PCNX2: variants seen among roughly 807,000 people sequenced by gnomAD.
The protein encoded by PCNX2 is pecanex 2.
PCNX2 carries 168 observed loss-of-function variants against 223.8 expected under a neutral mutation model. The observed-to-expected ratio is 0.75, with a 90% CI of 0.66 to 0.85. The LOEUF (loss-of-function observed/expected upper bound fraction) is 0.85, where lower values mean the gene tolerates loss of function less well. Ranked by LOEUF, PCNX2 falls within the 40% of genes least tolerant of loss-of-function variation. The pLI is 0.00. For synonymous variants in PCNX2, 1,006 were observed against 1,052.6 expected (o/e 0.96, Z 0.86); for missense variants, 2,507 against 2,675.5 (o/e 0.94, Z 1.39).
chr1:233,065,296 T>C (rs1371548103), intron 23 of PCNX2, among the ~76,000 whole-genome samples: 3 of 152,210 alleles, frequency 2.0e-5, no homozygotes, highest in Non-Finnish European at 4.4e-5. Context: ...CCTAATGTTA[T>C]TGTAAAAGTC....
chr1:233,121,079 G>A (rs186026183), intron 21 of PCNX2, among the ~76,000 whole-genome samples: 31 of 150,810 alleles, frequency 2.1e-4, no homozygotes, highest in Admixed American at 2.0e-3. Context: ...CACCCTCCAC[G>A]ATAGCACCAA....
At position 233,095,764 on chromosome 1, in the gene PCNX2, C is replaced by T. The variant is rs765558280; in HGVS notation, c.3937G>A (p.Ala1313Thr). 1 of 1,604,382 alleles carries T rather than the reference C, an allele frequency of 6.2e-7. No homozygotes were observed. Among genetic ancestry groups the T allele is most frequent in the South Asian group, 1.1e-5 (1 of 89,718 alleles). Residue 1313 changes from alanine to threonine, a missense_variant, in exon 22 of 34, where the codon GCC becomes ACC. By Grantham distance (58) the Ala-to-Thr change is moderately conservative. Coordinates refer to ENST00000258229, the MANE Select transcript of PCNX2 (RefSeq NM_014801.4). ...SSFHVFAQLFAIPHSAMLFFQ... is the reference protein window; with the variant it reads ...SSFHVFAQLFTIPHSAMLFFQ... ...GAAGCAGAAAGGATACGAGGAATGG[C>T]AAAGAGCTGAGCAAACACGTGAAAC... is the stretch of plus-strand genomic sequence containing the variant.
At chr1:233,178,446 T>C (rs1314092766) in intron 16 of PCNX2, among the ~76,000 whole-genome samples, 1 of 152,330 alleles carries the variant, frequency 6.6e-6, no homozygotes, top group Admixed American at 6.5e-5. Flanking sequence ...ACATGAAAGA[T>C]TTCCAGTGCC....
At chr1:233,200,089 G>T in intron 14 of PCNX2, 65 bp downstream of exon 14, 1 of 1,286,676 alleles carries the variant, frequency 7.8e-7, no homozygotes, top group Non-Finnish European at 1.1e-6. Context: ...TCCTGCCTAA[G>T]GCTATTTAGT....
chr1:233,116,073 G>T (rs1675389846), intron 21 of PCNX2, among the ~76,000 whole-genome samples: 1 of 151,756 alleles, frequency 6.6e-6, no homozygotes, highest in African/African-American at 2.4e-5. Flanking sequence ...AATCCACCAA[G>T]ATCTAACAAT....
chr1:233,084,402 G>C (rs1673501197), intron 23 of PCNX2, among the ~76,000 whole-genome samples: 1 of 152,174 alleles, frequency 6.6e-6, no homozygotes, highest in East Asian at 1.9e-4. Flanking sequence ...TCGCATAGAT[G>C]ATGCTTAATA....
At chr1:233,082,047 A>C (rs1472788624) in intron 23 of PCNX2, among the ~76,000 whole-genome samples, 3 of 152,022 alleles carry the variant, frequency 2.0e-5, no homozygotes, top group African/African-American at 7.3e-5. Flanking sequence ...AGGATATAAC[A>C]GGAAGCATGT....
chr1:233,145,098 G>A (rs565530560), intron 19 of PCNX2, among the ~76,000 whole-genome samples: 3 of 151,808 alleles, frequency 2.0e-5, no homozygotes, highest in African/African-American at 7.2e-5. Flanking sequence ...CCAAGTGGCT[G>A]GGACTACAGG....
At chr1:233,180,171 A>C (rs1679707724) in intron 15 of PCNX2, among the ~76,000 whole-genome samples, 1 of 152,258 alleles carries the variant, frequency 6.6e-6, no homozygotes. Flanking sequence ...AAGCATTTCT[A>C]ACAAAGATTA....
chr1:232,996,956 C>A (rs964996438), intron 32 of PCNX2, among the ~76,000 whole-genome samples: 1 of 149,422 alleles, frequency 6.7e-6, no homozygotes, highest in Non-Finnish European at 1.5e-5. Context: ...AAATGCAGAT[C>A]TGCGGAGCTG....
rs772506048 is a variant in PCNX2, at chr1:233,135,143, G to A, written c.3707C>T (p.Thr1236Ile). ...MIIAGMKLLR[T>I]SFCNPVYQFI... ...CTGGTAAACCGGGTTGCAGAATGAT[G>A]TCCGCAACAGCTTCATGCCAGCAAT... The change falls in exon 21 of 34, where the codon ACA (threonine) becomes ATA (isoleucine). Residue 1236 changes from threonine to isoleucine, a missense_variant. By Grantham distance (89) the Thr-to-Ile change is moderately conservative (BLOSUM62 -1). Coordinates refer to ENST00000258229, the MANE Select transcript of PCNX2 (RefSeq NM_014801.4). 6.8e-6 allele frequency: 11 copies of A among 1,613,792 alleles called. 1 individual carries two copies. The South Asian group carries it at 1.1e-4, about 16-fold the overall frequency.
At chr1:233,317,024 T>C in the PCNX2 span, among the ~76,000 whole-genome samples, 1 of 152,348 alleles carries the variant, frequency 6.6e-6, no homozygotes, top group South Asian at 2.1e-4. Context: ...GAAACTAATC[T>C]TTCTGTATAT....
intron 25 of PCNX2, among the ~76,000 whole-genome samples, chr1:233,042,181 C>T (rs1432723723): frequency 6.6e-6 from 1 of 152,138 alleles, no homozygotes; most frequent in East Asian, 1.9e-4. Flanking sequence ...TTCATTCTTC[C>T]CCATTCCATC....
At chr1:233,325,426 A>AG in the PCNX2 span, among the ~76,000 whole-genome samples, 22 of 148,222 alleles carry the variant, frequency 1.5e-4, no homozygotes, top group African/African-American at 4.7e-4. Context: ...TGGGAGGCCG[A>AG]GGGGGGCGGA....
At chr1:233,256,289 T>C (rs1659730130) in intron 5 of PCNX2, among the ~76,000 whole-genome samples, 1 of 152,196 alleles carries the variant, frequency 6.6e-6, no homozygotes, top group South Asian at 2.1e-4. Context: ...GCAAAATTTT[T>C]CACATATTTT....
chr1:233,295,743 T>C, upstream of PCNX2: 1 of 352,418 alleles, frequency 2.8e-6, no homozygotes, highest in Non-Finnish European at 5.0e-6. The surrounding 1 kb of genome is among the most constrained non-coding windows in gnomAD (Gnocchi z 4.1). Context: ...TTTCCCATCG[T>C]GCTCAGAGGC....
At chr1:232,998,557 C>T (rs1259462236) in intron 31 of PCNX2, 119 bp from the exon 32 acceptor site, 3 of 1,020,690 alleles carry the variant, frequency 2.9e-6, no homozygotes, top group Non-Finnish European at 4.2e-6. Context: ...GTGAGTAGCC[C>T]ACCTGGCATG....
In PCNX2 at chr1:232,999,387, T is replaced by A. The variant is rs897753022; in HGVS notation, c.5329-8A>T. 29 of 1,583,014 alleles carry A rather than the reference T, an allele frequency of 1.8e-5. No individual in the cohort carries two copies. The highest frequency in any genetic ancestry group is 2.3e-5 in the Non-Finnish European group (27 of 1,163,996). ...GACGCATTCTTTGTTAACCTGCAGGTCAGAGAGGGAACGGGAAGAAAGGCA... is the reference window on the plus strand; with the variant it reads ...GACGCATTCTTTGTTAACCTGCAGGACAGAGAGGGAACGGGAAGAAAGGCA... On this transcript the variant is annotated splice_region_variant and splice_polypyrimidine_tract_variant and intron_variant, in intron 30 of 33. Transcript: ENST00000258229.
At position 233,295,273 on chromosome 1, in the gene PCNX2, T is replaced by G. The variant is rs1282579023; in HGVS notation, c.153+53A>C. 1.2e-5 allele frequency: 18 copies of G among 1,555,812 alleles called. No homozygotes were observed. The East Asian group carries it at 3.2e-4, about 27-fold the overall frequency. On this transcript the variant is annotated intron_variant, in intron 1 of 33. Coordinates refer to ENST00000258229, the MANE Select transcript of PCNX2 (RefSeq NM_014801.4). The surrounding 1 kb of genome is among the most constrained non-coding windows in gnomAD (Gnocchi z 4.1). ...TGATGGCACGTCTGTGGTTCCTTTCTCCTTCTTCCCTCCATACCCACAGCT... is the reference window on the plus strand; with the variant it reads ...TGATGGCACGTCTGTGGTTCCTTTCGCCTTCTTCCCTCCATACCCACAGCT...
Sources: gnomAD v4.1 joint callset for allele counts (sites outside exome capture counted in the v4.1 genomes callset) on GRCh38, gnomAD v4.1.1 for gene constraint, Gnocchi (gnomAD v3.1) non-coding constraint, MANE v1.5 for transcripts, NCBI Gene and HGNC (gene_info 2026-07-23, HGNC 2026-07-21) for gene names.